Variants in RBFOX1 observed in about 807,000 individuals in gnomAD.
The protein encoded by RBFOX1 is RNA binding protein fox-1 homolog 1.
Under a neutral mutation model 57.7 loss-of-function variants are expected in RBFOX1, and 8 were observed. The observed-to-expected ratio is 0.14, with a 90% CI of 0.08 to 0.25. RBFOX1 has a LOEUF of 0.25. RBFOX1 is among the 10% of genes least tolerant of loss of function. The pLI is 1.00. For missense variants in RBFOX1, 611 were observed against 548.5 expected (o/e 1.11, Z -1.14); for synonymous variants, 326 against 222.4 (o/e 1.47, Z -4.15).
chr16:7,040,471 A>G (rs762749819), intron 3 of RBFOX1, among the ~76,000 whole-genome samples: 32 of 152,204 alleles, frequency 2.1e-4, no homozygotes, highest in Non-Finnish European at 4.0e-4. Context: ...CTTAGTATGA[A>G]TTTATAAAAC....
intron 3 of RBFOX1, among the ~76,000 whole-genome samples, chr16:7,027,576 T>G (rs941625003): frequency 6.6e-6 from 1 of 152,112 alleles, no homozygotes; most frequent in Non-Finnish European, 1.5e-5. Context: ...AGACCAAGAC[T>G]AATGTACTTA....
intron 2 of RBFOX1, among the ~76,000 whole-genome samples, chr16:6,354,912 G>C (rs1039567190): frequency 6.6e-6 from 1 of 152,088 alleles, no homozygotes; most frequent in East Asian, 1.9e-4. Context: ...TGATATACCA[G>C]TGTTCACATA....
rs946305807 is a variant in RBFOX1 at position 7,387,203 on chromosome 16, G to T, written c.28-130944G>T. ...GAAACAGGCAGTTTTTTGAGTGCTT[G>T]CCACACACCAACCATTGTGCAAAGT... is the stretch of plus-strand genomic sequence containing the variant. On this transcript the variant is annotated intron_variant, in intron 4 of 15. Transcript: ENST00000550418. Among the ~76,000 whole-genome samples, 5 of 152,098 alleles carry T rather than the reference G, an allele frequency of 3.3e-5. No homozygotes were observed. The East Asian group carries it at 5.8e-4, about 18-fold the overall frequency.
chr16:6,182,338 G>A (rs959570571), intron 1 of RBFOX1, among the ~76,000 whole-genome samples: 4 of 152,056 alleles, frequency 2.6e-5, no homozygotes, highest in Non-Finnish European at 5.9e-5. Context: ...CTTCTTAATT[G>A]ACATAAATAA....
intron 3 of RBFOX1, among the ~76,000 whole-genome samples, chr16:6,917,128 G>A (rs1404649153): frequency 6.6e-6 from 1 of 152,214 alleles, no homozygotes; most frequent in East Asian, 1.9e-4. Context: ...TGGGGTTACA[G>A]GTGTGAGCCA....
intron 4 of RBFOX1, among the ~76,000 whole-genome samples, chr16:6,004,332 T>C (rs2060655769): frequency 1.3e-5 from 2 of 152,246 alleles, no homozygotes; most frequent in South Asian, 4.1e-4. Flanking sequence ...CTCAGTTTTC[T>C]TATCTGCAAA....
intron 4 of RBFOX1, among the ~76,000 whole-genome samples, chr16:7,073,374 A>T (rs1019589509): frequency 3.3e-5 from 5 of 152,224 alleles, no homozygotes; most frequent in Admixed American, 3.3e-4. Context: ...GATCTTCCCA[A>T]CAAAGCATGA....
At chr16:5,957,506 T>G (rs1377900803) in intron 4 of RBFOX1, among the ~76,000 whole-genome samples, 1 of 152,162 alleles carries the variant, frequency 6.6e-6, no homozygotes, top group East Asian at 1.9e-4. Context: ...ATTACAGGCA[T>G]GAGTCGCCTT....
At chr16:7,539,611 G>A (rs2082376665) in intron 5 of RBFOX1, among the ~76,000 whole-genome samples, 1 of 152,188 alleles carries the variant, frequency 6.6e-6, no homozygotes, top group Non-Finnish European at 1.5e-5. Context: ...TCTACATAGA[G>A]GTGATGCCAC....
At chr16:7,482,087 G>T (rs2064104482) in intron 4 of RBFOX1, among the ~76,000 whole-genome samples, 1 of 152,130 alleles carries the variant, frequency 6.6e-6, no homozygotes, top group Non-Finnish European at 1.5e-5. Context: ...ACCTAGCAAG[G>T]GCTAGTGATG....
chr16:6,382,395 TG>T (rs1344432202), intron 2 of RBFOX1, among the ~76,000 whole-genome samples: 4 of 152,096 alleles, frequency 2.6e-5, no homozygotes, highest in Middle Eastern at 3.4e-3. Context: ...TCCTGCAGAG[TG>T]GGTAAAGGAA....
At position 6,678,794 on chromosome 16, in the gene RBFOX1, A is replaced by C. The variant is rs145476788; in HGVS notation, c.-16+24144A>C. 2.6e-3 allele frequency among the ~76,000 whole-genome samples: 400 copies of C among 152,230 alleles called. 2 individuals are homozygous for C. The highest frequency in any genetic ancestry group is 0.024 in the Middle Eastern group (7 of 294). ...AAGCTTTGAAAGTTAATCACTTGCCATGAATAGCTGATAAGGCTTGTAACA... is the reference window on the plus strand; with the variant it reads ...AAGCTTTGAAAGTTAATCACTTGCCCTGAATAGCTGATAAGGCTTGTAACA... On this transcript the variant is annotated intron_variant, in intron 3 of 15. Transcript: ENST00000550418.
intron 3 of RBFOX1, among the ~76,000 whole-genome samples, chr16:6,870,082 CCTT>C (rs780875280): frequency 5.9e-5 from 9 of 152,046 alleles, no homozygotes; most frequent in Non-Finnish European, 1.0e-4. Flanking sequence ...ATTTACTAAT[CCTT>C]CTTTTTGGAT....
At chr16:6,860,555 C>T (rs1194346209) in intron 3 of RBFOX1, among the ~76,000 whole-genome samples, 1 of 152,132 alleles carries the variant, frequency 6.6e-6, no homozygotes, top group Non-Finnish European at 1.5e-5. Context: ...GATATTTCAT[C>T]CCTAAATGCA....
chr16:6,258,171 C>T (rs574521099), intron 1 of RBFOX1, among the ~76,000 whole-genome samples: 1 of 152,048 alleles, frequency 6.6e-6, no homozygotes, highest in Non-Finnish European at 1.5e-5. Context: ...CCATTTTTGT[C>T]TAGGGTTTAC....
At position 5,565,487 on chromosome 16, in the gene RBFOX1, T is replaced by C. The variant is rs547086367; in HGVS notation, c.259-33415T>C. 2.4e-3 allele frequency among the ~76,000 whole-genome samples: 367 copies of C among 152,098 alleles called. 3 individuals carry two copies. The highest frequency in any genetic ancestry group is 8.5e-3 in the African/African-American group (355 of 41,522). On this transcript the variant is annotated intron_variant, in intron 2 of 2. Coordinates refer to the RBFOX1 transcript ENST00000585867. ...CTAAAAATACAAAATTAGCTGGGCA[T>C]GGTGGCACCTGCGTATAATCCCAGC...
chr16:5,991,776 A>G (rs529678113), intron 4 of RBFOX1, among the ~76,000 whole-genome samples: 8 of 151,896 alleles, frequency 5.3e-5, no homozygotes, highest in South Asian at 2.1e-4. Flanking sequence ...ATAATCAACA[A>G]TGTTGCCTGG....
chr16:6,502,546 C>T (rs576161171), intron 2 of RBFOX1, among the ~76,000 whole-genome samples: 1 of 152,126 alleles, frequency 6.6e-6, no homozygotes, highest in African/African-American at 2.4e-5. Flanking sequence ...TAGCATAGTA[C>T]CTAACACATA....
chr16:6,253,612 TGGATG>T (rs749337480), intron 1 of RBFOX1, among the ~76,000 whole-genome samples: 31 of 151,410 alleles, frequency 2.0e-4, no homozygotes, highest in Admixed American at 5.3e-4. Context: ...GATGGATAGA[TGGATG>T]GATGGATGGA....
Sources: allele counts gnomAD v4.1 joint callset (sites outside exome capture counted in the v4.1 genomes callset), GRCh38; gene constraint gnomAD v4.1.1; transcripts MANE v1.5; gene names NCBI Gene and HGNC (gene_info 2026-07-23, HGNC 2026-07-21).